The following AATF variants were observed in gnomAD, a reference collection of about 807,000 sequenced individuals.
AATF encodes apoptosis antagonizing transcription factor.
In AATF, 48 loss-of-function variants were observed where a neutral mutation model predicts 63.7. The ratio of observed to expected loss-of-function variants is 0.75; its 90% CI spans 0.60 to 0.96. The LOEUF (loss-of-function observed/expected upper bound fraction) is 0.96, where lower values mean the gene tolerates loss of function less well. Ranked by LOEUF, AATF falls within the 40% of genes least tolerant of loss-of-function variation. The probability of loss-of-function intolerance (pLI) is 0.00; values close to 1 mark genes in which losing one functional copy is unlikely to be tolerated. For synonymous variants in AATF, 258 were observed against 247.7 expected (o/e 1.04, Z -0.39); for missense variants, 639 against 685.7 (o/e 0.93, Z 0.76).
chr17:37,037,821 G>A (rs961405935), intron 11 of AATF, among the ~76,000 whole-genome samples: 5 of 152,218 alleles, frequency 3.3e-5, no homozygotes, highest in African/African-American at 1.2e-4. Context: ...TTTCTCATCA[G>A]TGGTTTAGCA....
intron 11 of AATF, among the ~76,000 whole-genome samples, chr17:37,037,542 T>G (rs2071603551): frequency 1.3e-5 from 2 of 152,222 alleles, no homozygotes; most frequent in Non-Finnish European, 1.5e-5. Context: ...GAAACAGTGC[T>G]TACATTGTGT....
intron 4 of AATF, among the ~76,000 whole-genome samples, chr17:36,985,425 C>G (rs1432719377): frequency 6.6e-6 from 1 of 151,912 alleles, no homozygotes; most frequent in Non-Finnish European, 1.5e-5. Flanking sequence ...CAGGTACGCA[C>G]CACCATGCCT....
At chr17:36,963,333 T>C (rs1026888759) in intron 4 of AATF, among the ~76,000 whole-genome samples, 4 of 152,176 alleles carry the variant, frequency 2.6e-5, no homozygotes, top group African/African-American at 7.2e-5. Flanking sequence ...ATGCAGTCTT[T>C]GTACAGGACG....
rs145094258 is a variant in AATF at position 37,041,331 on chromosome 17, A to T, written c.1619+9646A>T. The stretch of plus-strand genomic sequence containing the variant: ...TTCTTTTCAAGTAGTGCTGCAGTGA[A>T]CATATATATACAGAAATCTATGTTC... On this transcript the variant is annotated intron_variant, in intron 11 of 11. Coordinates refer to ENST00000619387, the MANE Select transcript of AATF (RefSeq NM_012138.4). Among the ~76,000 whole-genome samples the T allele has an allele frequency of 1.6e-3, 244 of 152,284 alleles. 2 individuals carry two copies. Among genetic ancestry groups the T allele is most frequent in the East Asian group, 0.012 (60 of 5,184 alleles).
At chr17:37,043,554 T>C (rs2142315428) in intron 11 of AATF, among the ~76,000 whole-genome samples, 1 of 152,352 alleles carries the variant, frequency 6.6e-6, no homozygotes, top group African/African-American at 2.4e-5. Context: ...TTGCTAAGTA[T>C]GTTAACTTAA....
At position 36,954,335 on chromosome 17, in the gene AATF, G is replaced by A. The variant is rs2070882491; in HGVS notation, c.832+428G>A. On this transcript the variant is annotated intron_variant, in intron 4 of 11. Coordinates refer to ENST00000619387, the MANE Select transcript of AATF (RefSeq NM_012138.4). ...GGCCTCAAGCAATCCTCCCACCTTT[G>A]CTTCCCAAAGTGCTAGGATTACAGA... Among the ~76,000 whole-genome samples the A allele has an allele frequency of 2.0e-5, 3 of 152,078 alleles. 1 individual carries two copies. The South Asian group carries it at 6.2e-4, about 32-fold the overall frequency.
At position 36,967,931 on chromosome 17, in the gene AATF, A is replaced by T. The variant is rs140441901; in HGVS notation, c.832+14024A>T. Among the ~76,000 whole-genome samples the T allele has an allele frequency of 2.0e-5, 3 of 150,762 alleles. 1 individual carries two copies. Among genetic ancestry groups the T allele is most frequent in the East Asian group, 3.9e-4 (2 of 5,150 alleles). On this transcript the variant is annotated intron_variant, in intron 4 of 11. Transcript: ENST00000619387. ...GTCCACAGAATTCTGAAATTTCATA[A>T]TGATGCACCGTAGCGTAGATCTGTT...
intron 8 of AATF, among the ~76,000 whole-genome samples, chr17:37,011,813 G>C (rs535035059): frequency 4.6e-5 from 7 of 152,294 alleles, no homozygotes; most frequent in South Asian, 4.1e-4. Flanking sequence ...TGAGACCTTA[G>C]CACAGGTAGT....
chr17:37,014,904 CT>C (rs2071417917), intron 8 of AATF, among the ~76,000 whole-genome samples: 2 of 152,024 alleles, frequency 1.3e-5, no homozygotes, highest in African/African-American at 4.8e-5. Context: ...TTAAAATTTT[CT>C]GTTTAGTGTT....
chr17:36,984,500 G>A (rs1263725209), intron 4 of AATF, among the ~76,000 whole-genome samples: 1 of 152,230 alleles, frequency 6.6e-6, no homozygotes, highest in Non-Finnish European at 1.5e-5. Context: ...CTGGAAATGT[G>A]AGAGTTTGAT....
At chr17:36,963,597 A>T (rs188359031) in intron 4 of AATF, among the ~76,000 whole-genome samples, 2 of 152,324 alleles carry the variant, frequency 1.3e-5, no homozygotes, top group African/African-American at 2.4e-5. Context: ...TTGTTTTTTT[A>T]AAATCACACA....
chr17:36,986,560 C>T, intron 4 of AATF, 57 bp from the exon 5 acceptor site: 1 of 1,453,296 alleles, frequency 6.9e-7, no homozygotes, highest in Non-Finnish European at 9.7e-7. Context: ...ATAGGCATCA[C>T]CTACTTTGGA....
At chr17:37,018,866 G>A (rs1025694067) in intron 8 of AATF, 139 bp from the exon 9 acceptor site, 5 of 683,110 alleles carry the variant, frequency 7.3e-6, no homozygotes, top group South Asian at 7.0e-5. Flanking sequence ...ATTCAGTAAT[G>A]CTCTTGCCAC....
chr17:37,041,992 AGTT>A (rs1251133175), intron 11 of AATF, among the ~76,000 whole-genome samples: 1 of 152,102 alleles, frequency 6.6e-6, no homozygotes, highest in Non-Finnish European at 1.5e-5. Context: ...TATCATTTGT[AGTT>A]GTTTTTATCC....
In AATF at chr17:37,001,405, G is replaced by GGA. The variant is rs1555650718; in HGVS notation, c.1398+10548_1398+10549insGA. 6.3e-5 allele frequency among the ~76,000 whole-genome samples: 4 copies of GGA among 63,832 alleles called. No homozygotes were observed. In the East Asian group the frequency reaches 2.3e-3, roughly 37 times the overall value. 41.9% of individuals were successfully genotyped at this position (63,832 alleles called of 152,430 possible). On this transcript the variant is annotated intron_variant, in intron 8 of 11. Coordinates refer to ENST00000619387, the MANE Select transcript of AATF (RefSeq NM_012138.4). Reference sequence around the variant, plus strand: ...AGAAAAAGGTATGGGAGGAGGGAGGGAGGAAGGAAGGAAGGAAGGAAGGAA... The same window carrying GGA: ...AGAAAAAGGTATGGGAGGAGGGAGGGGAAGGAAGGAAGGAAGGAAGGAAGGAA...
intron 9 of AATF, among the ~76,000 whole-genome samples, chr17:37,020,312 T>C (rs1294760461): frequency 1.3e-5 from 2 of 152,084 alleles, no homozygotes; most frequent in Non-Finnish European, 2.9e-5. Context: ...TTAGATGTGG[T>C]AATGGTATTG....
chr17:36,973,381 G>A (rs1405275360), intron 4 of AATF, among the ~76,000 whole-genome samples: 1 of 151,890 alleles, frequency 6.6e-6, no homozygotes, highest in African/African-American at 2.4e-5. Context: ...CCTCACAAAC[G>A]TTGCTCTTGG....
intron 8 of AATF, among the ~76,000 whole-genome samples, chr17:36,993,993 G>A (rs952339129): frequency 6.6e-6 from 1 of 151,974 alleles, no homozygotes; most frequent in African/African-American, 2.4e-5. Context: ...TTTAATAAAG[G>A]TACATGTATA....
chr17:37,021,080 CTGT>C (rs1286266239), intron 10 of AATF, 66 bp downstream of exon 10: 1 of 1,155,566 alleles, frequency 8.7e-7, no homozygotes, highest in Non-Finnish European at 1.2e-6. Flanking sequence ...TACATTCTGG[CTGT>C]TATGTCATTT....
Sources: allele counts gnomAD v4.1 joint callset (sites outside exome capture counted in the v4.1 genomes callset), GRCh38; gene constraint gnomAD v4.1.1; transcripts MANE v1.5; gene names NCBI Gene and HGNC (gene_info 2026-07-23, HGNC 2026-07-21).